The following PTPN13 variants were observed in gnomAD, a reference collection of about 807,000 sequenced individuals.
The protein encoded by PTPN13 is tyrosine-protein phosphatase non-receptor type 13.
A neutral mutation model predicts 284.0 loss-of-function variants in PTPN13; 191 were observed. The observed-to-expected ratio is 0.67, with a 90% CI of 0.60 to 0.76. The LOEUF (loss-of-function observed/expected upper bound fraction) is 0.76, where lower values mean the gene tolerates loss of function less well. Among genes scored for constraint, PTPN13 ranks in the 30% least tolerant of loss-of-function variants. PTPN13 has a pLI of 0.00. For missense variants in PTPN13, 2,797 were observed against 2,939.9 expected (o/e 0.95, Z 1.12); for synonymous variants, 986 against 1,022.3 (o/e 0.96, Z 0.68).
At chr4:86,644,742 T>C (rs1321461073) in intron 2 of PTPN13, among the ~76,000 whole-genome samples, 1 of 152,170 alleles carries the variant, frequency 6.6e-6, no homozygotes, top group Non-Finnish European at 1.5e-5. Context: ...TATATAAAAA[T>C]GATAGCACCT....
chr4:86,595,142 C>T (rs1763515533), intron 1 of PTPN13, among the ~76,000 whole-genome samples: 1 of 152,094 alleles, frequency 6.6e-6, no homozygotes, highest in South Asian at 2.1e-4. Flanking sequence ...GCTTGCACAG[C>T]TCCGCTCTGT....
At chr4:86,738,694 CTT>C (rs1299040127) in intron 15 of PTPN13, among the ~76,000 whole-genome samples, 1 of 151,870 alleles carries the variant, frequency 6.6e-6, no homozygotes, top group African/African-American at 2.4e-5. Context: ...AACATTGACT[CTT>C]TTTTTTAAGA....
chr4:86,775,553 T>A lies in PTPN13; in HGVS notation c.5792T>A (p.Ile1931Asn), dbSNP rs755307076. The A allele has an allele frequency of 1.9e-6, 3 of 1,613,700 alleles. No homozygotes were observed. The East Asian group carries it at 6.7e-5, about 36-fold the overall frequency. ...GGTAATCTCCAGCTATTAGATGTCA[T>A]CCATTATGTGAACGGAGTCAGCACA... ...IEGNLQLLDV[I>N]HYVNGVSTQG... The change falls in exon 35 of 48, where the codon ATC (isoleucine) becomes AAC (asparagine). Residue 1931 changes from isoleucine to asparagine, a missense_variant. By Grantham distance (149) the Ile-to-Asn change is moderately radical (BLOSUM62 -3). Transcript: ENST00000411767.
chr4:86,758,796 T>C lies in PTPN13; in HGVS notation c.3421+11T>C. ...GATGCTTGAAGCCAGGTACTTTACA[T>C]TTTGGTAGTTTTCTAAGTATTTTCT... On this transcript the variant is annotated intron_variant, in intron 22 of 47. Transcript: ENST00000411767. The C allele has an allele frequency of 6.2e-7, 1 of 1,608,374 alleles. No homozygotes were observed. The highest frequency in any genetic ancestry group is 8.5e-7 in the Non-Finnish European group (1 of 1,177,614).
At chr4:86,651,576 GT>G (rs1792657849) in intron 2 of PTPN13, among the ~76,000 whole-genome samples, 1 of 152,118 alleles carries the variant, frequency 6.6e-6, no homozygotes, top group Non-Finnish European at 1.5e-5. Context: ...TTTTTTAAAT[GT>G]TTAGCAGAAT....
At chr4:86,669,417 T>C (rs367617016) in intron 2 of PTPN13, among the ~76,000 whole-genome samples, 1 of 151,692 alleles carries the variant, frequency 6.6e-6, no homozygotes, top group Admixed American at 6.6e-5. Context: ...ATTGTACATA[T>C]GTACCAAAAC....
chr4:86,764,313 C>A (rs1341170038), intron 24 of PTPN13, among the ~76,000 whole-genome samples: 3 of 152,252 alleles, frequency 2.0e-5, no homozygotes, highest in Middle Eastern at 6.8e-3. Context: ...TCTTTAATCT[C>A]TGGATATCAG....
At chr4:86,664,841 C>A (rs1726882292) in intron 2 of PTPN13, among the ~76,000 whole-genome samples, 1 of 152,188 alleles carries the variant, frequency 6.6e-6, no homozygotes, top group South Asian at 2.1e-4. Flanking sequence ...CTATTTCTTT[C>A]ATGCTACTTG....
At chr4:86,754,929 G>A (rs931280836) in intron 20 of PTPN13, among the ~76,000 whole-genome samples, 7 of 151,908 alleles carry the variant, frequency 4.6e-5, no homozygotes, top group Non-Finnish European at 8.8e-5. Flanking sequence ...TCTTCAAAAC[G>A]CTCTTTGAAT....
intron 10 of PTPN13, 71 bp downstream of exon 10, chr4:86,722,505 A>C: frequency 7.7e-7 from 1 of 1,304,630 alleles, no homozygotes; most frequent in Non-Finnish European, 1.1e-6. Flanking sequence ...AAGTACTTTT[A>C]AAAATTGCTA....
At chr4:86,723,749 A>T (rs1733928021) in intron 10 of PTPN13, among the ~76,000 whole-genome samples, 1 of 152,172 alleles carries the variant, frequency 6.6e-6, no homozygotes, top group African/African-American at 2.4e-5. Flanking sequence ...TACTATCATC[A>T]GCTTGAAAGG....
At chr4:86,654,893 T>A (rs1282687254) in intron 2 of PTPN13, among the ~76,000 whole-genome samples, 1 of 152,180 alleles carries the variant, frequency 6.6e-6, no homozygotes, top group Non-Finnish European at 1.5e-5. Flanking sequence ...TTTGTAGGTC[T>A]CTAAGGACTT....
chr4:86,666,387 GCTCTCTCTTCTCTCTCTT>G (rs549822813), intron 2 of PTPN13, among the ~76,000 whole-genome samples: 21 of 152,164 alleles, frequency 1.4e-4, no homozygotes, highest in South Asian at 4.2e-4. Context: ...AGAAAGAACA[GCTCTCTCTTCTCTCTCTT>G]CTCTCTCTTC....
intron 42 of PTPN13, among the ~76,000 whole-genome samples, chr4:86,803,034 T>C (rs1744208279): frequency 6.6e-6 from 1 of 151,040 alleles, no homozygotes; most frequent in East Asian, 2.0e-4. Flanking sequence ...GATTGTGCCA[T>C]TGCACTTCAG....
intron 2 of PTPN13, among the ~76,000 whole-genome samples, chr4:86,637,935 C>G (rs546483712): frequency 0.084 from 12,711 of 151,358 alleles, 722 homozygotes; most frequent in Non-Finnish European, 0.13. Context: ...AAAACCCCAT[C>G]GTCTCAGCCC....
chr4:86,615,542 A>C (rs1044857488), intron 1 of PTPN13, among the ~76,000 whole-genome samples: 1 of 152,136 alleles, frequency 6.6e-6, no homozygotes, highest in Non-Finnish European at 1.5e-5. Flanking sequence ...CGTTCATTAT[A>C]GCATTTTACA....
intron 2 of PTPN13, among the ~76,000 whole-genome samples, chr4:86,644,336 C>T (rs1280912934): frequency 6.6e-6 from 1 of 152,074 alleles, no homozygotes; most frequent in Non-Finnish European, 1.5e-5. Context: ...GATGGAATTT[C>T]GCCATGTTTG....
chr4:86,807,252 G>A (rs1744755536), intron 44 of PTPN13, among the ~76,000 whole-genome samples: 1 of 151,792 alleles, frequency 6.6e-6, no homozygotes, highest in Non-Finnish European at 1.5e-5. Context: ...TTACTTATTA[G>A]GCAATTCTAA....
Position 86,635,278 on chromosome 4 carries a change from G to A in PTPN13, c.22G>A (p.Ala8Thr), listed in dbSNP as rs1424923777. 5 of 1,604,930 alleles carry A rather than the reference G, an allele frequency of 3.1e-6. No individual in the cohort carries two copies. The highest frequency in any genetic ancestry group is 1.6e-4 in the Middle Eastern group (1 of 6,076). The part of the protein sequence containing the change: MHVSLAE[A>T]LEVRGGPLQE... ...TAATATGCACGTGTCACTAGCTGAG[G>A]CCCTGGAGGTTCGGGGTGGACCACT... The change falls in exon 2 of 48, where the codon GCC becomes ACC. Residue 8 changes from alanine to threonine, a missense_variant. Physicochemically the swap from Ala to Thr is moderately conservative, Grantham distance 58. Coordinates refer to ENST00000411767, the MANE Select transcript of PTPN13 (RefSeq NM_080683.3).
Sources: allele counts gnomAD v4.1 joint callset (sites outside exome capture counted in the v4.1 genomes callset), GRCh38; gene constraint gnomAD v4.1.1; transcripts MANE v1.5; gene names NCBI Gene and HGNC (gene_info 2026-07-23, HGNC 2026-07-21).